KAZN: variants seen among roughly 807,000 people sequenced by gnomAD.
The protein encoded by KAZN is kazrin, periplakin interacting protein.
A neutral mutation model predicts 87.4 loss-of-function variants in KAZN; 40 were observed. The observed-to-expected ratio is 0.46, with a 90% confidence interval of 0.36 to 0.60. KAZN has a LOEUF of 0.60. KAZN is among the 20% of genes least tolerant of loss of function. KAZN has a pLI of 0.00. For synonymous variants in KAZN, 466 were observed against 458.3 expected (o/e 1.02, Z -0.22); for missense variants, 898 against 1,073.9 (o/e 0.84, Z 2.29).
At chr1:14,636,901 C>G (rs1038926094) in intron 1 of KAZN, among the ~76,000 whole-genome samples, 1 of 152,120 alleles carries the variant, frequency 6.6e-6, no homozygotes, top group African/African-American at 2.4e-5. Context: ...CCCTCCTGCT[C>G]CAAATGCAAG....
At chr1:14,546,981 C>T (rs943152231) in intron 2 of KAZN, among the ~76,000 whole-genome samples, 7 of 152,108 alleles carry the variant, frequency 4.6e-5, no homozygotes, top group East Asian at 1.9e-4. Flanking sequence ...TGAGAGATGT[C>T]GGGAACTCAC....
rs57203868 is a variant in KAZN at position 14,727,450 on chromosome 1, C to CTTTTTTTTTTTT, written c.226+128262_226+128273dup. On this transcript the variant is annotated intron_variant, in intron 1 of 14. Coordinates refer to ENST00000376030, the MANE Select transcript of KAZN (RefSeq NM_201628.3). ...GTCCATCACATTTATTGTGCACTTT[C>CTTTTTTTTTTTT]TTTTTTTTTTTTTTTTTTTTTTTTT... Among the ~76,000 whole-genome samples the CTTTTTTTTTTTT allele has an allele frequency of 5.3e-4, 39 of 73,912 alleles. 3 individuals carry two copies. Among genetic ancestry groups the CTTTTTTTTTTTT allele is most frequent in the Non-Finnish European group, 7.9e-4 (31 of 38,996 alleles). The allele number at this position is 73,912 out of a possible 152,430, so 48.5% of individuals were successfully genotyped here.
At chr1:14,914,386 C>A (rs895183974) in intron 1 of KAZN, among the ~76,000 whole-genome samples, 1 of 152,210 alleles carries the variant, frequency 6.6e-6, no homozygotes, top group Non-Finnish European at 1.5e-5. Flanking sequence ...ACAACTAAAC[C>A]CCCATCGGTG....
chr1:14,049,373 A>G (rs1157088726), intron 1 of KAZN, among the ~76,000 whole-genome samples: 1 of 152,148 alleles, frequency 6.6e-6, no homozygotes, highest in Non-Finnish European at 1.5e-5. Flanking sequence ...GTTAAATGAC[A>G]AGTTAATGGG....
At chr1:14,313,824 G>A (rs1366373184) in intron 2 of KAZN, among the ~76,000 whole-genome samples, 3 of 151,948 alleles carry the variant, frequency 2.0e-5, no homozygotes, top group Non-Finnish European at 2.9e-5. Context: ...CGGCCACATG[G>A]GATAGTGGGA....
intron 1 of KAZN, among the ~76,000 whole-genome samples, chr1:14,890,840 CTTTT>C (rs34718502): frequency 4.3e-5 from 3 of 69,676 alleles, no homozygotes; most frequent in African/African-American, 1.8e-4. Flanking sequence ...GGAATCTGGA[CTTTT>C]TTTTTTTTTT....
At chr1:14,177,571 A>G (rs1419933350) in intron 1 of KAZN, among the ~76,000 whole-genome samples, 1 of 152,144 alleles carries the variant, frequency 6.6e-6, no homozygotes, top group African/African-American at 2.4e-5. Flanking sequence ...TGCTTTCAGT[A>G]CTTTCGAAAT....
At chr1:14,986,002 C>CA (rs56725513) in intron 2 of KAZN, among the ~76,000 whole-genome samples, 11,808 of 55,542 alleles carry the variant, frequency 0.21, 1,246 homozygotes, top group African/African-American at 0.33. Context: ...GACTCTGTCT[C>CA]AAAAAAAAAA....
At position 14,902,405 on chromosome 1, in the gene KAZN, T is replaced by G. The variant is rs1391663448; in HGVS notation, c.227-58279T>G. Among the ~76,000 whole-genome samples the G allele has an allele frequency of 2.0e-5, 3 of 152,198 alleles. 1 individual carries two copies. Among genetic ancestry groups the G allele is most frequent in the South Asian group, 4.2e-4 (2 of 4,808 alleles). ...CACACCCGGCTAATTTTTTTGTATT[T>G]TTTTAGTAGAGACGGGGTTTCACCG... On this transcript the variant is annotated intron_variant, in intron 1 of 14. Coordinates refer to ENST00000376030, the MANE Select transcript of KAZN (RefSeq NM_201628.3).
intron 1 of KAZN, among the ~76,000 whole-genome samples, chr1:14,157,240 T>G (rs2101815990): frequency 6.7e-6 from 1 of 150,196 alleles, no homozygotes; most frequent in African/African-American, 2.5e-5. Context: ...GATTGTTTCA[T>G]TATTTAGTCT....
At chr1:13,947,770 C>T (rs888855842) in intron 1 of KAZN, among the ~76,000 whole-genome samples, 25 of 152,292 alleles carry the variant, frequency 1.6e-4, no homozygotes, top group Admixed American at 1.4e-3. Context: ...GCCGTCTTCT[C>T]CCTGTATCTT....
chr1:14,993,081 C>T lies in KAZN; in HGVS notation c.418+32206C>T, dbSNP rs192068390. 3.1e-3 allele frequency among the ~76,000 whole-genome samples: 472 copies of T among 151,054 alleles called. 5 individuals carry two copies. The highest frequency in any genetic ancestry group is 0.011 in the African/African-American group (452 of 41,134). On this transcript the variant is annotated intron_variant, in intron 2 of 14. Coordinates refer to ENST00000376030, the MANE Select transcript of KAZN (RefSeq NM_201628.3). ...GCCTCAAGCAATTTGCCCACCTCGA[C>T]CTCCCAAAGTGCTGGGATTACAGAT...
At chr1:14,398,621 A>G (rs1663098525) in intron 2 of KAZN, among the ~76,000 whole-genome samples, 1 of 152,208 alleles carries the variant, frequency 6.6e-6, no homozygotes, top group South Asian at 2.1e-4. Flanking sequence ...CTTCAGCAGG[A>G]GATGGGCTCA....
In KAZN at chr1:13,977,179, T is replaced by A. The variant is rs563216489; in HGVS notation, c.91+83423T>A. Among the ~76,000 whole-genome samples, 44 of 152,334 alleles carry A rather than the reference T, an allele frequency of 2.9e-4. No homozygotes were observed. In the Middle Eastern group the frequency reaches 0.017, roughly 59 times the overall value. ...GAATTCATTCTTTGTTCTTGTTTTTTCAACTGAGTTCTTTTGTTCTAGATA... is the reference window on the plus strand; with the variant it reads ...GAATTCATTCTTTGTTCTTGTTTTTACAACTGAGTTCTTTTGTTCTAGATA... On this transcript the variant is annotated intron_variant, in intron 1 of 16. Coordinates refer to the KAZN transcript ENST00000636203.
At position 14,754,665 on chromosome 1, in the gene KAZN, AT is replaced by A. The variant is rs201505029; in HGVS notation, c.226+155449del. On this transcript the variant is annotated intron_variant, in intron 1 of 14. Coordinates refer to ENST00000376030, the MANE Select transcript of KAZN (RefSeq NM_201628.3). Reference sequence around the variant, plus strand: ...AAAAAATTCAAATTCATTAATCCAGATTTTTTTATAGTCACGTTGTTGGATG... The same window carrying A: ...AAAAAATTCAAATTCATTAATCCAGATTTTTTATAGTCACGTTGTTGGATG... Among the ~76,000 whole-genome samples the A allele has an allele frequency of 7.8e-3, 1,190 of 152,094 alleles. 11 individuals are homozygous for A. Among genetic ancestry groups the A allele is most frequent in the African/African-American group, 0.028 (1,152 of 41,478 alleles).
rs553802717 is a variant in KAZN, at chr1:14,467,332, T to TAA, written c.250-131642_250-131641dup. Among the ~76,000 whole-genome samples, 569 of 145,458 alleles carry TAA rather than the reference T, an allele frequency of 3.9e-3. 6 individuals carry two copies. Among genetic ancestry groups the TAA allele is most frequent in the African/African-American group, 0.013 (517 of 39,412 alleles). On this transcript the variant is annotated intron_variant, in intron 2 of 16. Transcript: ENST00000636203. ...TAAGAAAATAACTTGAAATATATTATAAAAAAAAAACAACAAGGAAAATAA... is the reference window on the plus strand; with the variant it reads ...TAAGAAAATAACTTGAAATATATTATAAAAAAAAAAAACAACAAGGAAAATAA...
intron 1 of KAZN, among the ~76,000 whole-genome samples, chr1:14,633,370 C>T (rs1239373632): frequency 3.9e-5 from 6 of 151,990 alleles, no homozygotes; most frequent in South Asian, 2.1e-4. Flanking sequence ...CAAGAGGGTC[C>T]GAATCAGAGA....
At chr1:13,918,841 A>C (rs554420656) in intron 1 of KAZN, among the ~76,000 whole-genome samples, 2 of 151,860 alleles carry the variant, frequency 1.3e-5, no homozygotes, top group East Asian at 3.9e-4. Context: ...TTTATTTTTT[A>C]TTTTTTTTGA....
rs56725513 is a variant in KAZN at position 14,986,002 on chromosome 1, CAAA to C, written c.418+25147_418+25149del. On this transcript the variant is annotated intron_variant, in intron 2 of 14. Transcript: ENST00000376030. ...TGGGCGACAGAGCCAGACTCTGTCT[CAAA>C]AAAAAAAAAAAAAAAAAAAGGAAAG... Among the ~76,000 whole-genome samples the C allele has an allele frequency of 1.8e-4, 10 of 56,746 alleles. No homozygotes were observed. The South Asian group carries it at 2.3e-3, about 13-fold the overall frequency. 37.2% of individuals were successfully genotyped at this position (56,746 alleles called of 152,430 possible). A position where few individuals can be genotyped will look rare whatever the true frequency, so the allele number is the denominator to read the frequency against.
Sources: gnomAD v4.1 joint callset for allele counts (sites outside exome capture counted in the v4.1 genomes callset) on GRCh38, gnomAD v4.1.1 for gene constraint, MANE v1.5 for transcripts, NCBI Gene and HGNC (gene_info 2026-07-23, HGNC 2026-07-21) for gene names.